IGSF5: variants seen among roughly 807,000 people sequenced by gnomAD.
IGSF5 encodes immunoglobulin superfamily 5 like.
A neutral mutation model predicts 39.4 loss-of-function variants in IGSF5; 41 were observed. That is an observed-to-expected ratio of 1.04 (90% CI 0.81 to 1.35). The LOEUF is 1.35. Ranked by LOEUF, IGSF5 falls within the 40% of genes most tolerant of loss-of-function variation. IGSF5 has a pLI of 0.00. For synonymous variants in IGSF5, 183 were observed against 175.3 expected (o/e 1.04, Z -0.34); for missense variants, 487 against 494.6 (o/e 0.98, Z 0.15).
chr21:39,773,401 C>A lies in IGSF5; in HGVS notation c.718+2186C>A, dbSNP rs1017090873. Among the ~76,000 whole-genome samples the A allele has an allele frequency of 2.0e-5, 3 of 152,042 alleles. No individual in the cohort carries two copies. The East Asian group carries it at 5.8e-4, about 29-fold the overall frequency. On this transcript the variant is annotated intron_variant, in intron 4 of 8. Coordinates refer to ENST00000380588, the MANE Select transcript of IGSF5 (RefSeq NM_001080444.2). ...GGTGATTGTAAAGAGTGATTTCCTG[C>A]TTCCATTATTCTTTCCATATCTCTT...
At chr21:39,785,979 C>T (rs1484601939) in intron 5 of IGSF5, among the ~76,000 whole-genome samples, 5 of 152,164 alleles carry the variant, frequency 3.3e-5, no homozygotes, top group Admixed American at 2.0e-4. Context: ...AAGACTTAAA[C>T]GTTAGACCTA....
At chr21:39,744,667 G>A (rs1004836909), upstream of IGSF5, among the ~76,000 whole-genome samples, 6 of 152,222 alleles carry the variant, frequency 3.9e-5, no homozygotes, top group Non-Finnish European at 7.3e-5. Flanking sequence ...ATTATCAGCG[G>A]TTGGAGTTAC....
At chr21:39,740,816 A>C (rs1193810864), upstream of IGSF5, among the ~76,000 whole-genome samples, 3 of 152,232 alleles carry the variant, frequency 2.0e-5, no homozygotes, top group Non-Finnish European at 4.4e-5. Flanking sequence ...TGGCCCTTCA[A>C]GTAATAGAGC....
the IGSF5 span, chr21:39,730,393 C>A: frequency 6.6e-6 from 1 of 152,116 alleles, no homozygotes; most frequent in South Asian, 2.1e-4. Context: ...CTGAGAATCT[C>A]CAAATAAGGC....
chr21:39,732,275 G>C, the IGSF5 span, among the ~76,000 whole-genome samples: 1 of 152,172 alleles, frequency 6.6e-6, no homozygotes, highest in East Asian at 1.9e-4. Flanking sequence ...GGTTTAAATA[G>C]AGGGCAAATT....
At chr21:39,766,818 A>T (rs188741385) in intron 3 of IGSF5, among the ~76,000 whole-genome samples, 1,646 of 144,100 alleles carry the variant, frequency 0.011, 29 homozygotes, top group Admixed American at 0.049. Flanking sequence ...ATAAGAGAAT[A>T]TATTATATCT....
At chr21:39,750,989 G>C (rs1882857) in intron 2 of IGSF5, among the ~76,000 whole-genome samples, 16,086 of 152,246 alleles carry the variant, frequency 0.11, 2,780 homozygotes, top group African/African-American at 0.36. Flanking sequence ...GGAGAGGATA[G>C]ACTGGCCCTG....
rs1051069062 is a variant in IGSF5, at chr21:39,770,842, GA to G, written c.419-63del. 5.1e-3 allele frequency: 4,658 copies of G among 906,306 alleles called. 1 individual carries two copies. The highest frequency in any genetic ancestry group is 0.014 in the African/African-American group (751 of 53,822). 56.1% of individuals were successfully genotyped at this position (906,306 alleles called of 1,614,324 possible). On this transcript the variant is annotated intron_variant, in intron 3 of 8. Coordinates refer to ENST00000380588, the MANE Select transcript of IGSF5 (RefSeq NM_001080444.2). ...TTGAAGCAAAACTTAAAAAAAAAAAGAAAAAAAAAAAGAAAACTTAGAAGCG... is the reference window on the plus strand; with the variant it reads ...TTGAAGCAAAACTTAAAAAAAAAAAGAAAAAAAAAAGAAAACTTAGAAGCG...
chr21:39,765,076 C>A (rs1294206166), intron 2 of IGSF5, among the ~76,000 whole-genome samples: 1 of 152,190 alleles, frequency 6.6e-6, no homozygotes, highest in African/African-American at 2.4e-5. Context: ...TCACTCCAGT[C>A]TCTGCATCCG....
chr21:39,756,521 C>A (rs759762400), intron 2 of IGSF5, among the ~76,000 whole-genome samples: 1 of 152,210 alleles, frequency 6.6e-6, no homozygotes, highest in African/African-American at 2.4e-5. Context: ...CTGATGGGAC[C>A]TGTCACCTCA....
intron 2 of IGSF5, among the ~76,000 whole-genome samples, chr21:39,757,620 A>C (rs2080038021): frequency 6.8e-6 from 1 of 147,010 alleles, no homozygotes. Context: ...TCTGTCACCC[A>C]GGTTGGAGTG....
chr21:39,780,374 G>A (rs1384105025), intron 5 of IGSF5, among the ~76,000 whole-genome samples: 1 of 152,164 alleles, frequency 6.6e-6, no homozygotes, highest in African/African-American at 2.4e-5. Flanking sequence ...TCATGCTCTT[G>A]AAAAAGTGAT....
At chr21:39,738,403 C>T in the IGSF5 span, among the ~76,000 whole-genome samples, 1 of 152,168 alleles carries the variant, frequency 6.6e-6, no homozygotes, top group Admixed American at 6.5e-5. This position sits in a 1 kb window ranked among gnomAD's most constrained non-coding sequence, Gnocchi z 6.4. Flanking sequence ...CCACAATACG[C>T]AGGAATTAAC....
At chr21:39,788,592 C>T (rs539357780) in intron 6 of IGSF5, among the ~76,000 whole-genome samples, 11 of 152,320 alleles carry the variant, frequency 7.2e-5, no homozygotes, top group African/African-American at 1.9e-4. Context: ...TGAGCCAAGC[C>T]GGATGCCTGC....
the IGSF5 span, among the ~76,000 whole-genome samples, chr21:39,739,888 T>C: frequency 6.6e-6 from 1 of 152,188 alleles, no homozygotes; most frequent in South Asian, 2.1e-4. Flanking sequence ...ATACAGGGAT[T>C]CAAATGTATG....
In IGSF5 at chr21:39,771,189, A is replaced by G. The variant is rs762911685; in HGVS notation, c.692A>G (p.Asn231Ser). 6.9e-6 allele frequency: 11 copies of G among 1,585,254 alleles called. No individual in the cohort carries two copies. Among genetic ancestry groups the G allele is most frequent in the Admixed American group, 1.7e-5 (1 of 57,406 alleles). ...SLKARKSATV[N>S]LTVIRCPQDT... ...AAGGCCCGCAAGTCTGCAACTGTAAATCTCACTGTGATTCGGTGTCCCCAA... is the reference window on the plus strand; with the variant it reads ...AAGGCCCGCAAGTCTGCAACTGTAAGTCTCACTGTGATTCGGTGTCCCCAA... The change falls in exon 4 of 9, where the codon AAT becomes AGT. Residue 231 changes from asparagine (N) to serine (S), a missense_variant. By Grantham distance (46) the Asn-to-Ser change is conservative (BLOSUM62 1). Coordinates refer to ENST00000380588, the MANE Select transcript of IGSF5 (RefSeq NM_001080444.2).
chr21:39,729,110 T>C, the IGSF5 span: 8 of 152,348 alleles, frequency 5.3e-5, no homozygotes, highest in Admixed American at 2.0e-4. Context: ...TTAAACAAGA[T>C]GGACGTGTAT....
chr21:39,800,402 G>A (rs1281028916), intron 8 of IGSF5, among the ~76,000 whole-genome samples: 3 of 151,538 alleles, frequency 2.0e-5, no homozygotes, highest in East Asian at 2.0e-4. Context: ...AGAAAACAGC[G>A]ATGTTTGCAC....
intron 2 of IGSF5, among the ~76,000 whole-genome samples, chr21:39,748,615 C>T (rs1465970488): frequency 6.6e-6 from 1 of 152,094 alleles, no homozygotes; most frequent in Admixed American, 6.6e-5. Context: ...ACGAGGGCTC[C>T]ATTTTGAGGA....
Sources: gnomAD v4.1 joint callset for allele counts (sites outside exome capture counted in the v4.1 genomes callset) on GRCh38, gnomAD v4.1.1 for gene constraint, Gnocchi (gnomAD v3.1) non-coding constraint, MANE v1.5 for transcripts, NCBI Gene and HGNC (gene_info 2026-07-23, HGNC 2026-07-21) for gene names.